Variants in NEDD4L observed in about 807,000 individuals in gnomAD.
NEDD4L encodes E3 ubiquitin-protein ligase NEDD4-like.
Under a neutral mutation model 148.9 loss-of-function variants are expected in NEDD4L, and 54 were observed. That is an observed-to-expected ratio of 0.36 (90% CI 0.29 to 0.45). NEDD4L has a LOEUF of 0.45. Ranked by LOEUF, NEDD4L falls within the 20% of genes least tolerant of loss-of-function variation. The pLI, the probability that NEDD4L is intolerant of heterozygous loss-of-function variation, is 1.00. For missense variants in NEDD4L, 856 were observed against 1,233.8 expected (o/e 0.69, Z 4.59); for synonymous variants, 433 against 440.7 (o/e 0.98, Z 0.22).
At chr18:58,090,581 G>A (rs745341187) in intron 1 of NEDD4L, among the ~76,000 whole-genome samples, 1 of 152,296 alleles carries the variant, frequency 6.6e-6, no homozygotes, top group Non-Finnish European at 1.5e-5. Flanking sequence ...TGGTTCAAGC[G>A]ATTCTCCTGC....
At chr18:58,108,477 G>A (rs539196036) in intron 1 of NEDD4L, among the ~76,000 whole-genome samples, 1 of 152,272 alleles carries the variant, frequency 6.6e-6, no homozygotes, top group South Asian at 2.1e-4. Flanking sequence ...CTGGAGTGCA[G>A]TGGTGCGATC....
chr18:58,327,728 A>G (rs1360328941), intron 9 of NEDD4L, among the ~76,000 whole-genome samples: 1 of 152,206 alleles, frequency 6.6e-6, no homozygotes, highest in Non-Finnish European at 1.5e-5. Context: ...GTTCTTGATA[A>G]GTACTATATT....
At chr18:58,221,490 T>C (rs2043765746) in intron 2 of NEDD4L, 1 of 955,168 alleles carries the variant, frequency 1.0e-6, no homozygotes, top group Non-Finnish European at 1.2e-6. Flanking sequence ...GCAACCCCCT[T>C]TTCCACCAAC....
chr18:58,276,870 A>G (rs1019801056), intron 5 of NEDD4L, among the ~76,000 whole-genome samples: 48 of 152,266 alleles, frequency 3.2e-4, no homozygotes, highest in African/African-American at 1.1e-3. Context: ...AGTTGCTGGA[A>G]TGCCTATGTC....
At position 58,104,876 on chromosome 18, in the gene NEDD4L, C is replaced by G. The variant is rs1301907642; in HGVS notation, c.48+60168C>G. ...CCCCCCAACCAACCCCTCCACCCCC[C>G]AAACACATCCCATACCCATTACAGC... On this transcript the variant is annotated intron_variant, in intron 1 of 30. Coordinates refer to ENST00000400345, the MANE Select transcript of NEDD4L (RefSeq NM_001144967.3). 4.3e-4 allele frequency among the ~76,000 whole-genome samples: 65 copies of G among 151,870 alleles called. 1 individual carries two copies. The highest frequency in any genetic ancestry group is 7.4e-4 in the Non-Finnish European group (50 of 67,958).
chr18:58,385,286 C>T (rs537668722), intron 25 of NEDD4L, among the ~76,000 whole-genome samples: 1 of 152,136 alleles, frequency 6.6e-6, no homozygotes, highest in East Asian at 1.9e-4. Context: ...GTCAGCCAAA[C>T]CTTGATGTGG....
chr18:58,111,551 G>A (rs1017025208), intron 1 of NEDD4L, among the ~76,000 whole-genome samples: 2 of 152,102 alleles, frequency 1.3e-5, no homozygotes, highest in African/African-American at 4.8e-5. Flanking sequence ...GTTTGTGACT[G>A]GCTTCTTTCA....
intron 2 of NEDD4L, among the ~76,000 whole-genome samples, chr18:58,178,868 A>C (rs2038484747): frequency 6.6e-6 from 1 of 152,232 alleles, no homozygotes; most frequent in African/African-American, 2.4e-5. Context: ...GATGCTTAAA[A>C]CTAGGCGTTC....
At chr18:58,255,209 C>A (rs1185841459) in intron 5 of NEDD4L, among the ~76,000 whole-genome samples, 1 of 152,034 alleles carries the variant, frequency 6.6e-6, no homozygotes, top group Non-Finnish European at 1.5e-5. Context: ...GCGTGGCTTG[C>A]AGTGTGTTTG....
intron 1 of NEDD4L, among the ~76,000 whole-genome samples, chr18:58,108,336 A>G (rs1413436802): frequency 6.6e-6 from 1 of 152,206 alleles, no homozygotes; most frequent in Non-Finnish European, 1.5e-5. Flanking sequence ...GTTTTAATCT[A>G]TGTTTGTAGA....
intron 5 of NEDD4L, among the ~76,000 whole-genome samples, chr18:58,270,677 A>G (rs1374768759): frequency 6.6e-6 from 1 of 151,938 alleles, no homozygotes; most frequent in East Asian, 1.9e-4. Context: ...AAGTTCTTAG[A>G]CCGCCATGAT....
intron 22 of NEDD4L, among the ~76,000 whole-genome samples, chr18:58,369,284 G>A (rs918539940): frequency 6.6e-6 from 1 of 152,256 alleles, no homozygotes; most frequent in African/African-American, 2.4e-5. Flanking sequence ...GAAGATGGGC[G>A]GAAGCAGGAA....
At chr18:58,330,083 A>G (rs2059669773) in intron 10 of NEDD4L, among the ~76,000 whole-genome samples, 1 of 152,240 alleles carries the variant, frequency 6.6e-6, no homozygotes, top group African/African-American at 2.4e-5. Context: ...GAATTAAACA[A>G]CAAATTAGCC....
At chr18:58,303,723 A>T (rs918333964) in intron 5 of NEDD4L, among the ~76,000 whole-genome samples, 1 of 152,238 alleles carries the variant, frequency 6.6e-6, no homozygotes, top group African/African-American at 2.4e-5. Flanking sequence ...CTTCAAATTA[A>T]GCCATCCTGA....
intron 1 of NEDD4L, among the ~76,000 whole-genome samples, chr18:58,140,414 C>T (rs1477346637): frequency 6.6e-6 from 1 of 152,272 alleles, no homozygotes; most frequent in South Asian, 2.1e-4. Flanking sequence ...ACTGGTGCTG[C>T]CTGCTGTGAA....
chr18:58,169,742 C>G lies in NEDD4L; in HGVS notation c.122+3881C>G, dbSNP rs554259213. 2.3e-3 allele frequency among the ~76,000 whole-genome samples: 354 copies of G among 152,308 alleles called. 1 individual carries two copies. The highest frequency in any genetic ancestry group is 3.6e-3 in the Non-Finnish European group (244 of 68,034). On this transcript the variant is annotated intron_variant, in intron 2 of 30. Coordinates refer to ENST00000400345, the MANE Select transcript of NEDD4L (RefSeq NM_001144967.3). ...CCCTTTCCCAAGGACGTACTCTGCC[C>G]TAACCTCACCCTGATCTGGTGACTC...
chr18:58,165,954 T>A, intron 2 of NEDD4L, 93 bp downstream of exon 2: 1 of 1,028,486 alleles, frequency 9.7e-7, no homozygotes, highest in Non-Finnish European at 1.5e-6. Flanking sequence ...CTGGAGGACT[T>A]CTTAAGACAA....
intron 1 of NEDD4L, among the ~76,000 whole-genome samples, chr18:58,097,379 A>G (rs2084480617): frequency 6.6e-6 from 1 of 152,050 alleles, no homozygotes; most frequent in Non-Finnish European, 1.5e-5. Flanking sequence ...CATCCCTGGG[A>G]CAAGTAAACA....
intron 4 of NEDD4L, among the ~76,000 whole-genome samples, chr18:58,249,288 C>T (rs956536390): frequency 1.2e-4 from 19 of 152,052 alleles, no homozygotes; most frequent in African/African-American, 4.6e-4. Flanking sequence ...GAGAGTAAAA[C>T]AGTAGAGGCA....
Sources: gnomAD v4.1 joint callset for allele counts (sites outside exome capture counted in the v4.1 genomes callset) on GRCh38, gnomAD v4.1.1 for gene constraint, MANE v1.5 for transcripts, NCBI Gene and HGNC (gene_info 2026-07-23, HGNC 2026-07-21) for gene names.